The following NPAS2 variants were observed in gnomAD, a reference collection of about 807,000 sequenced individuals.
NPAS2 encodes the protein neuronal PAS domain protein 2.
A neutral mutation model predicts 107.5 loss-of-function variants in NPAS2; 23 were observed. That is an observed-to-expected ratio of 0.21 (90% CI 0.15 to 0.30). NPAS2 has a LOEUF of 0.30. Among genes scored for constraint, NPAS2 ranks in the 10% least tolerant of loss-of-function variants. The pLI is 1.00. For missense variants in NPAS2, 756 were observed against 1,043.3 expected, an observed-to-expected ratio of 0.72 and a Z score of 3.79; for synonymous variants, 403 against 417.5, an observed-to-expected ratio of 0.97 and a Z score of 0.42.
intron 19 of NPAS2, among the ~76,000 whole-genome samples, chr2:100,991,195 A>G (rs953108491): frequency 1.5e-4 from 23 of 151,990 alleles, no homozygotes; most frequent in African/African-American, 5.1e-4. Context: ...CCCCCTTCCC[A>G]AGGACCCTCC....
At chr2:100,935,979 A>G (rs992832244) in intron 4 of NPAS2, among the ~76,000 whole-genome samples, 13 of 152,138 alleles carry the variant, frequency 8.5e-5, no homozygotes, top group African/African-American at 2.9e-4. Flanking sequence ...TGCCAAAGTC[A>G]CCCACTCCAG....
At chr2:100,934,142 A>G (rs943476735) in intron 4 of NPAS2, 5 of 152,264 alleles carry the variant, frequency 3.3e-5, no homozygotes, top group Non-Finnish European at 7.3e-5. Flanking sequence ...AACTTTCTGC[A>G]GAAGCAATGC....
Position 100,977,753 on chromosome 2 carries a change from T to C in NPAS2, c.1436T>C (p.Leu479Pro). The C allele has an allele frequency of 6.2e-7, 1 of 1,614,144 alleles. No individual in the cohort carries two copies. ...SPSSCDLTQQLLPQTVLQSTP... is the reference protein window; with the variant it reads ...SPSSCDLTQQPLPQTVLQSTP... ...TCGTCCTGCGACCTCACACAGCAGCTCCTGCCTCAGACCGTTCTGCAGAGC... is the reference window on the plus strand; with the variant it reads ...TCGTCCTGCGACCTCACACAGCAGCCCCTGCCTCAGACCGTTCTGCAGAGC... Residue 479 changes from leucine to proline, a missense_variant, in exon 15 of 21, where the codon CTC (leucine) becomes CCC (proline). Coordinates refer to ENST00000335681, the MANE Select transcript of NPAS2 (RefSeq NM_002518.4).
intron 1 of NPAS2, among the ~76,000 whole-genome samples, chr2:100,831,253 G>C (rs1478507029): frequency 6.6e-6 from 1 of 152,044 alleles, no homozygotes; most frequent in East Asian, 1.9e-4. Flanking sequence ...CTGAGATTGC[G>C]CCATTGCACT....
intron 1 of NPAS2, among the ~76,000 whole-genome samples, chr2:100,861,424 T>A (rs1052091419): frequency 6.6e-6 from 1 of 152,034 alleles, no homozygotes; most frequent in East Asian, 1.9e-4. Context: ...CCGACAGAAT[T>A]GTGATGGGTG....
chr2:100,960,288 C>T (rs1675843076), intron 7 of NPAS2, among the ~76,000 whole-genome samples: 1 of 152,030 alleles, frequency 6.6e-6, no homozygotes, highest in Non-Finnish European at 1.5e-5. Flanking sequence ...CGAGGCCGGG[C>T]ACGGTGGCTC....
chr2:100,850,999 A>G lies in NPAS2; in HGVS notation c.-23+30585A>G, dbSNP rs1678141120. Among the ~76,000 whole-genome samples, 3 of 145,412 alleles carry G rather than the reference A, an allele frequency of 2.1e-5. No homozygotes were observed. The South Asian group carries it at 6.6e-4, about 32-fold the overall frequency. On this transcript the variant is annotated intron_variant, in intron 1 of 20. Transcript: ENST00000335681. ...AAAAAAAGGAAGGACATTCTGACCC[A>G]TGCTACCACATGGATGAATATTGAG...
At chr2:100,827,549 C>T (rs550034647) in intron 1 of NPAS2, among the ~76,000 whole-genome samples, 2 of 152,292 alleles carry the variant, frequency 1.3e-5, no homozygotes, top group East Asian at 1.9e-4. Context: ...TCCCTGCTCC[C>T]TCCAGTAGTC....
chr2:100,864,388 A>C (rs1435756769), intron 1 of NPAS2, among the ~76,000 whole-genome samples: 1 of 152,234 alleles, frequency 6.6e-6, no homozygotes, highest in Admixed American at 6.5e-5. Flanking sequence ...AAACTGTGTG[A>C]TATAATAATA....
At chr2:100,944,796 T>G (rs1303325007) in intron 5 of NPAS2, among the ~76,000 whole-genome samples, 1 of 152,158 alleles carries the variant, frequency 6.6e-6, no homozygotes, top group Non-Finnish European at 1.5e-5. Flanking sequence ...AGCGTTCGTC[T>G]TTATTCTGTG....
intron 1 of NPAS2, among the ~76,000 whole-genome samples, chr2:100,834,102 C>T (rs769169280): frequency 9.9e-5 from 15 of 152,064 alleles, no homozygotes; most frequent in Non-Finnish European, 1.3e-4. Flanking sequence ...TGCCCGGCAC[C>T]GAACAGACCA....
intron 1 of NPAS2, among the ~76,000 whole-genome samples, chr2:100,870,732 G>A (rs1050792332): frequency 6.6e-5 from 10 of 152,174 alleles, no homozygotes; most frequent in Admixed American, 2.6e-4. Context: ...ATATAGGCAG[G>A]TCCCTTCTTC....
At chr2:100,895,253 GC>G (rs1315676020) in intron 1 of NPAS2, among the ~76,000 whole-genome samples, 5 of 152,192 alleles carry the variant, frequency 3.3e-5, no homozygotes, top group Non-Finnish European at 7.4e-5. Context: ...TTAAAATTCT[GC>G]AGCTACAATT....
chr2:100,995,942 C>G lies in NPAS2; in HGVS notation c.*360C>G. 1 of 1,372,336 alleles carries G rather than the reference C, an allele frequency of 7.3e-7. No homozygotes were observed. Among genetic ancestry groups the G allele is most frequent in the South Asian group, 1.2e-5 (1 of 81,262 alleles). The allele number at this position is 1,372,336 out of a possible 1,614,324, so 85.0% of individuals were successfully genotyped here. ...CTCTAGCCACCTGCGGCCCGCCCATCTGCGCTAGCTGGCCTTCACGCTCTT... is the reference window on the plus strand; with the variant it reads ...CTCTAGCCACCTGCGGCCCGCCCATGTGCGCTAGCTGGCCTTCACGCTCTT... On this transcript the variant is annotated 3_prime_UTR_variant, in exon 21 of 21. Transcript: ENST00000335681.
chr2:100,954,402 C>T (rs1573711132), intron 7 of NPAS2, among the ~76,000 whole-genome samples: 1 of 152,168 alleles, frequency 6.6e-6, no homozygotes, highest in East Asian at 1.9e-4. Flanking sequence ...CGGTGGCTCA[C>T]ACCTGTAATC....
At chr2:100,892,316 C>G (rs1417917753) in intron 1 of NPAS2, among the ~76,000 whole-genome samples, 1 of 152,194 alleles carries the variant, frequency 6.6e-6, no homozygotes, top group African/African-American at 2.4e-5. Flanking sequence ...CATTCCTTCA[C>G]TGCATATGTC....
intron 10 of NPAS2, among the ~76,000 whole-genome samples, chr2:100,967,433 C>T (rs189934615): frequency 7.8e-4 from 118 of 151,602 alleles, no homozygotes; most frequent in African/African-American, 2.8e-3. Context: ...TCACCGTATT[C>T]GCCAGGATGG....
At chr2:100,986,448 T>G (rs1677785501) in intron 16 of NPAS2, 1 of 152,248 alleles carries the variant, frequency 6.6e-6, no homozygotes, top group African/African-American at 2.4e-5. Context: ...GAGGTGGGAC[T>G]GCACTGAGTA....
chr2:100,859,925 T>A (rs1678829609), intron 1 of NPAS2, among the ~76,000 whole-genome samples: 1 of 152,228 alleles, frequency 6.6e-6, no homozygotes, highest in Admixed American at 6.5e-5. Context: ...TGTTTTTTAC[T>A]AAACCATTTG....
Sources: gnomAD v4.1 joint callset for allele counts (sites outside exome capture counted in the v4.1 genomes callset) on GRCh38, gnomAD v4.1.1 for gene constraint, MANE v1.5 for transcripts, NCBI Gene and HGNC (gene_info 2026-07-23, HGNC 2026-07-21) for gene names.